Variants in CNTN4 observed in about 807,000 individuals in gnomAD.
CNTN4 encodes contactin-4.
A neutral mutation model predicts 122.5 loss-of-function variants in CNTN4; 77 were observed. The observed-to-expected ratio is 0.63, with a 90% confidence interval of 0.52 to 0.76. The LOEUF is 0.76. Among genes scored for constraint, CNTN4 ranks in the 30% least tolerant of loss-of-function variants. CNTN4 has a pLI of 0.00. For missense variants in CNTN4, 1,256 were observed against 1,259.1 expected (o/e 1.00, Z 0.04); for synonymous variants, 512 against 447.0 (o/e 1.15, Z -1.83).
At chr3:2,834,647 G>T (rs187059131) in intron 7 of CNTN4, among the ~76,000 whole-genome samples, 1 of 152,090 alleles carries the variant, frequency 6.6e-6, no homozygotes, top group East Asian at 1.9e-4. Context: ...GAGCAAAAAA[G>T]CATACATGAA....
At chr3:2,932,800 CTTTATTTATTTATTTA>C (rs71058655) in intron 13 of CNTN4, among the ~76,000 whole-genome samples, 8,649 of 148,860 alleles carry the variant, frequency 0.058, 322 homozygotes, top group East Asian at 0.17. Flanking sequence ...TGCTTACAGT[CTTTATTTATTTATTTA>C]TTTATTTATT....
chr3:2,431,089 A>G (rs1457283174), intron 3 of CNTN4, among the ~76,000 whole-genome samples: 1 of 152,220 alleles, frequency 6.6e-6, no homozygotes, highest in Non-Finnish European at 1.5e-5. Flanking sequence ...TTAAACAAGT[A>G]TATAATGAAG....
intron 3 of CNTN4, among the ~76,000 whole-genome samples, chr3:2,394,374 A>G (rs1431928171): frequency 6.6e-6 from 1 of 152,184 alleles, no homozygotes; most frequent in African/African-American, 2.4e-5. Flanking sequence ...ACTTATGTGG[A>G]AAATCTCCTT....
At chr3:2,197,068 A>AAAAAAAAAG (rs1559333924) in intron 2 of CNTN4, among the ~76,000 whole-genome samples, 1 of 139,792 alleles carries the variant, frequency 7.2e-6, no homozygotes. Context: ...AAAAAAAAAA[A>AAAAAAAAAG]AAGAAGAAGA....
chr3:2,408,142 T>A (rs1481205665), intron 3 of CNTN4, among the ~76,000 whole-genome samples: 2 of 152,200 alleles, frequency 1.3e-5, no homozygotes, highest in African/African-American at 4.8e-5. Context: ...ACCAAGTAGA[T>A]ATTTTTCTGT....
intron 4 of CNTN4, among the ~76,000 whole-genome samples, chr3:2,694,772 C>T (rs956777562): frequency 3.3e-5 from 5 of 152,022 alleles, no homozygotes. Flanking sequence ...TTAAATAAAC[C>T]TACAATGCTA....
At chr3:2,689,114 A>C (rs1445308223) in intron 4 of CNTN4, among the ~76,000 whole-genome samples, 1 of 152,202 alleles carries the variant, frequency 6.6e-6, no homozygotes, top group Admixed American at 6.5e-5. Flanking sequence ...CCTTGAAAGC[A>C]ACTTAGTTCT....
In CNTN4 at chr3:3,053,863, A is replaced by G. The variant is rs563513988; in HGVS notation, c.2868A>G (p.Thr956=). 533 of 1,614,120 alleles carry G rather than the reference A, an allele frequency of 3.3e-4. 4 individuals are homozygous for G. In the South Asian group the frequency reaches 5.6e-3, roughly 17 times the overall value. The change falls in exon 24 of 25, where the codon ACA becomes ACG. Residue 956 remains threonine (T), a synonymous_variant. Transcript: ENST00000418658. ...CATCTGTCATTGAAACAAATAAAAC[A>G]TCGGTGGAGCTTTCTTTGCCTTTCG... The part of the protein sequence containing the change: ...SSTSVIETNK[T]SVELSLPFDE...
intron 3 of CNTN4, among the ~76,000 whole-genome samples, chr3:2,381,282 A>G (rs921281649): frequency 6.6e-6 from 1 of 152,200 alleles, no homozygotes; most frequent in African/African-American, 2.4e-5. Context: ...CTGGGATTAC[A>G]GGCGTGAGCC....
At chr3:2,120,394 TATATATA>T (rs2033675344) in intron 2 of CNTN4, among the ~76,000 whole-genome samples, 1 of 31,670 alleles carries the variant, frequency 3.2e-5, no homozygotes, top group African/African-American at 8.8e-5. Flanking sequence ...TATATATATA[TATATATA>T]TATATTTTTT....
At chr3:2,109,643 C>T (rs1420996387) in intron 2 of CNTN4, among the ~76,000 whole-genome samples, 1 of 152,196 alleles carries the variant, frequency 6.6e-6, no homozygotes, top group Non-Finnish European at 1.5e-5. Flanking sequence ...AATGATATGA[C>T]TCAAATCACC....
chr3:2,923,066 T>C (rs1425491327), intron 12 of CNTN4, among the ~76,000 whole-genome samples: 1 of 152,248 alleles, frequency 6.6e-6, no homozygotes, highest in Non-Finnish European at 1.5e-5. Context: ...TGATATGCTA[T>C]TTCAAATCCT....
At chr3:2,377,749 T>G (rs532983603) in intron 3 of CNTN4, among the ~76,000 whole-genome samples, 1 of 149,940 alleles carries the variant, frequency 6.7e-6, no homozygotes, top group East Asian at 1.9e-4. Context: ...TTGTAAACTT[T>G]CTTAAAACAT....
intron 2 of CNTN4, among the ~76,000 whole-genome samples, chr3:2,338,743 T>C (rs1559466415): frequency 6.6e-6 from 1 of 152,160 alleles, no homozygotes; most frequent in Admixed American, 6.5e-5. Context: ...TTTGTTTTTG[T>C]TAGGTACCCT....
chr3:2,865,612 G>T (rs2093715712), intron 7 of CNTN4, among the ~76,000 whole-genome samples: 1 of 152,198 alleles, frequency 6.6e-6, no homozygotes, highest in East Asian at 1.9e-4. Context: ...AGTGGGACAT[G>T]TTGGCTACTC....
intron 4 of CNTN4, among the ~76,000 whole-genome samples, chr3:2,598,087 A>C (rs954530170): frequency 2.0e-5 from 3 of 152,160 alleles, no homozygotes; most frequent in African/African-American, 7.2e-5. Flanking sequence ...TTGAGGTTGC[A>C]GCACACTGTG....
chr3:2,729,378 C>A (rs749847170), intron 4 of CNTN4, among the ~76,000 whole-genome samples: 13 of 150,288 alleles, frequency 8.7e-5, no homozygotes, highest in East Asian at 5.9e-4. Context: ...TCCCGGCTAA[C>A]ACAAAATTAA....
In CNTN4 at chr3:3,035,218, G is replaced by A. The variant is rs577955899; in HGVS notation, c.1942+428G>A. ...AGCAACTCAGGAGGCTGAGGTGGGAGGATTGCTTGAGCCCAGGAGGTAGAG... is the reference window on the plus strand; with the variant it reads ...AGCAACTCAGGAGGCTGAGGTGGGAAGATTGCTTGAGCCCAGGAGGTAGAG... On this transcript the variant is annotated intron_variant, in intron 17 of 24. Coordinates refer to ENST00000418658, the MANE Select transcript of CNTN4 (RefSeq NM_175607.3). Among the ~76,000 whole-genome samples the A allele has an allele frequency of 7.7e-4, 116 of 151,186 alleles. 1 individual carries two copies. The highest frequency in any genetic ancestry group is 2.7e-3 in the African/African-American group (113 of 41,260).
chr3:2,167,147 TAAG>T (rs1234974619), intron 2 of CNTN4, among the ~76,000 whole-genome samples: 8 of 152,146 alleles, frequency 5.3e-5, no homozygotes, highest in Admixed American at 2.6e-4. Flanking sequence ...TGCATTAGCT[TAAG>T]AAGGATAAAC....
Sources: gnomAD v4.1 joint callset for allele counts (sites outside exome capture counted in the v4.1 genomes callset) on GRCh38, gnomAD v4.1.1 for gene constraint, MANE v1.5 for transcripts, NCBI Gene and HGNC (gene_info 2026-07-23, HGNC 2026-07-21) for gene names.